PREX2: variants seen among roughly 807,000 people sequenced by gnomAD.
PREX2 encodes the protein phosphatidylinositol-3,4,5-trisphosphate dependent Rac exchange factor 2, also known as phosphatidylinositol 3,4,5-trisphosphate-dependent Rac exchanger 2 protein.
A neutral mutation model predicts 203.2 loss-of-function variants in PREX2; 107 were observed. The ratio of observed to expected loss-of-function variants is 0.53; its 90% CI spans 0.45 to 0.62. PREX2 has a LOEUF of 0.62. Among genes scored for constraint, PREX2 ranks in the 20% least tolerant of loss-of-function variants. The probability of loss-of-function intolerance (pLI) is 0.00; values close to 1 mark genes in which losing one functional copy is unlikely to be tolerated. For missense variants in PREX2, 1,777 were observed against 1,955.9 expected (o/e 0.91, Z 1.72); for synonymous variants, 672 against 663.6 (o/e 1.01, Z -0.19).
intron 37 of PREX2, among the ~76,000 whole-genome samples, chr8:68,209,080 AAAAAAAAAAAG>A (rs1426911617): frequency 6.6e-6 from 1 of 151,464 alleles, no homozygotes; most frequent in African/African-American, 2.4e-5. Flanking sequence ...TAAAAAAAAA[AAAAAAAAAAAG>A]AAAGAAAAAA....
rs547271764 is a variant in PREX2, at chr8:68,039,041, T to A, written c.839+749T>A. Among the ~76,000 whole-genome samples, 5 of 152,180 alleles carry A rather than the reference T, an allele frequency of 3.3e-5. No homozygotes were observed. The South Asian group carries it at 1.0e-3, about 31-fold the overall frequency. On this transcript the variant is annotated intron_variant, in intron 7 of 39. Transcript: ENST00000288368. ...TATCCTCCTAGCTGTATTCCTCTGG[T>A]ATTGTCACTTCAGTTATTCTGACTC...
At chr8:67,990,187 T>C (rs1806556106) in intron 1 of PREX2, among the ~76,000 whole-genome samples, 2 of 152,270 alleles carry the variant, frequency 1.3e-5, no homozygotes, top group Admixed American at 6.5e-5. Context: ...GGTTTCACCA[T>C]GTGGCCCAGG....
intron 35 of PREX2, among the ~76,000 whole-genome samples, chr8:68,180,721 C>T (rs1055877551): frequency 3.3e-5 from 5 of 152,084 alleles, no homozygotes; most frequent in African/African-American, 1.2e-4. Flanking sequence ...AGAAGAGATT[C>T]AGGACTTGAT....
At chr8:68,062,847 C>T (rs1808898820) in intron 11 of PREX2, among the ~76,000 whole-genome samples, 1 of 152,008 alleles carries the variant, frequency 6.6e-6, no homozygotes, top group Non-Finnish European at 1.5e-5. Context: ...TCTCCCTATC[C>T]CTTCCCTGGC....
intron 30 of PREX2, among the ~76,000 whole-genome samples, chr8:68,123,485 A>G (rs916753572): frequency 6.6e-6 from 1 of 151,976 alleles, no homozygotes; most frequent in African/African-American, 2.4e-5. Flanking sequence ...TAGATAGACC[A>G]CTAGCTGGGC....
At chr8:68,016,954 C>T (rs1261742203) in intron 1 of PREX2, among the ~76,000 whole-genome samples, 2 of 152,066 alleles carry the variant, frequency 1.3e-5, no homozygotes, top group African/African-American at 4.8e-5. Flanking sequence ...TGTCAATTTG[C>T]CCTCTGAAAT....
chr8:67,976,749 C>CGAGAGAGACA (rs1806122151), intron 1 of PREX2, among the ~76,000 whole-genome samples: 1 of 40,588 alleles, frequency 2.5e-5, no homozygotes, highest in East Asian at 2.4e-3. Context: ...GAGAGAGATG[C>CGAGAGAGACA]GAGAGAGACA....
intron 1 of PREX2, among the ~76,000 whole-genome samples, chr8:67,983,714 C>T (rs1168489692): frequency 6.6e-6 from 1 of 152,188 alleles, no homozygotes. Flanking sequence ...ATTGACCACT[C>T]TTTGATTCTC....
intron 35 of PREX2, among the ~76,000 whole-genome samples, chr8:68,165,427 CT>C (rs10718661): frequency 0.021 from 3,180 of 152,094 alleles, 131 homozygotes; most frequent in African/African-American, 0.073. Flanking sequence ...TTAAGTTTCT[CT>C]TTTTTTATCC....
chr8:68,117,971 A>G (rs1192927313), intron 26 of PREX2, among the ~76,000 whole-genome samples: 1 of 152,068 alleles, frequency 6.6e-6, no homozygotes, highest in Non-Finnish European at 1.5e-5. Flanking sequence ...GTTTGGCATG[A>G]CTCCTAGTTT....
intron 37 of PREX2, among the ~76,000 whole-genome samples, chr8:68,197,265 C>A (rs1308880448): frequency 2.0e-5 from 3 of 152,058 alleles, no homozygotes; most frequent in Non-Finnish European, 4.4e-5. Context: ...ATGTCAAGGG[C>A]AGGACCAGGT....
chr8:68,042,353 T>A (rs1467690249), intron 7 of PREX2, among the ~76,000 whole-genome samples: 2 of 151,908 alleles, frequency 1.3e-5, no homozygotes, highest in Admixed American at 1.3e-4. Flanking sequence ...ATTTGATACG[T>A]ATAACATGAT....
At chr8:68,099,906 A>G (rs762314850) in intron 23 of PREX2, 63 bp downstream of exon 23, 1 of 1,364,392 alleles carries the variant, frequency 7.3e-7, no homozygotes, top group South Asian at 1.2e-5. Flanking sequence ...TGTCAAATTT[A>G]AATCAATTTT....
chr8:68,056,345 A>G (rs971500903), intron 10 of PREX2, among the ~76,000 whole-genome samples: 13 of 152,176 alleles, frequency 8.5e-5, no homozygotes, highest in Admixed American at 3.3e-4. Context: ...AATCAGAAAG[A>G]AAGGAAAGAT....
chr8:68,114,970 T>C (rs1585805456), intron 25 of PREX2, among the ~76,000 whole-genome samples: 2 of 152,062 alleles, frequency 1.3e-5, no homozygotes, highest in Non-Finnish European at 1.5e-5. Flanking sequence ...GCTAGCACTT[T>C]AAAGATTACT....
At chr8:68,178,106 G>T (rs370485085) in intron 35 of PREX2, among the ~76,000 whole-genome samples, 3 of 152,136 alleles carry the variant, frequency 2.0e-5, no homozygotes, top group African/African-American at 7.2e-5. Context: ...ACATATATGT[G>T]CATGCATCTT....
chr8:67,961,240 C>T (rs1440904651), intron 1 of PREX2, among the ~76,000 whole-genome samples: 1 of 151,626 alleles, frequency 6.6e-6, no homozygotes, highest in Non-Finnish European at 1.5e-5. Context: ...TTGGTTTGAC[C>T]TAAAAATAAT....
intron 6 of PREX2, among the ~76,000 whole-genome samples, chr8:68,030,896 G>T (rs957027009): frequency 6.6e-6 from 1 of 152,074 alleles, no homozygotes; most frequent in African/African-American, 2.4e-5. Flanking sequence ...GATACTATGT[G>T]GGCTATAAGC....
intron 4 of PREX2, among the ~76,000 whole-genome samples, chr8:68,025,641 C>T (rs2129610371): frequency 6.6e-6 from 1 of 152,134 alleles, no homozygotes; most frequent in Middle Eastern, 3.4e-3. Context: ...TATTGGTAAG[C>T]TTAATGTTTC....
Sources: allele counts gnomAD v4.1 joint callset (sites outside exome capture counted in the v4.1 genomes callset), GRCh38; gene constraint gnomAD v4.1.1; transcripts MANE v1.5; gene names NCBI Gene and HGNC (gene_info 2026-07-23, HGNC 2026-07-21).